Variants in NBAS observed in about 807,000 individuals in gnomAD.
NBAS encodes the protein NAG/BC035112 fusion.
NBAS carries 219 observed loss-of-function variants against 302.5 expected under a neutral mutation model. The observed-to-expected ratio is 0.72, with a 90% CI of 0.65 to 0.81. The LOEUF (loss-of-function observed/expected upper bound fraction) is 0.81, where lower values mean the gene tolerates loss of function less well. NBAS is among the 30% of genes least tolerant of loss of function. The pLI is 0.00. For synonymous variants in NBAS, 1,118 were observed against 1,021.6 expected, an observed-to-expected ratio of 1.09 and a Z score of -1.80; for missense variants, 2,932 against 2,841.6, an observed-to-expected ratio of 1.03 and a Z score of -0.72.
the NBAS span, among the ~76,000 whole-genome samples, chr2:14,821,152 T>A: frequency 6.6e-6 from 1 of 152,194 alleles, no homozygotes; most frequent in African/African-American, 2.4e-5. Context: ...GGTCTCGATC[T>A]CCTGACCTCG....
chr2:15,100,722 G>A, the NBAS span, among the ~76,000 whole-genome samples: 1 of 152,124 alleles, frequency 6.6e-6, no homozygotes, highest in Non-Finnish European at 1.5e-5. Flanking sequence ...GACCCTTCAA[G>A]GTAAAGAGTG....
intron 5 of NBAS, among the ~76,000 whole-genome samples, chr2:15,552,266 G>A (rs1664418257): frequency 6.6e-6 from 1 of 152,114 alleles, no homozygotes; most frequent in Non-Finnish European, 1.5e-5. Context: ...ATAATACCCA[G>A]TATAAAGAGA....
the NBAS span, among the ~76,000 whole-genome samples, chr2:14,862,307 C>T: frequency 2.6e-5 from 4 of 151,956 alleles, no homozygotes; most frequent in African/African-American, 4.8e-5. Context: ...TTAGTAAAGA[C>T]GGGGTTTCAC....
chr2:15,429,959 C>T lies in NBAS; in HGVS notation c.2340-2165G>A, dbSNP rs1213863377. 2.0e-5 allele frequency among the ~76,000 whole-genome samples: 3 copies of T among 152,288 alleles called. No homozygotes were observed. The South Asian group carries it at 6.2e-4, about 32-fold the overall frequency. On this transcript the variant is annotated intron_variant, in intron 21 of 51. Transcript: ENST00000281513. ...CTGGATACAAGGATGATGATGATTA[C>T]TCTTCCGACATAAGAATAAATTACA...
the NBAS span, among the ~76,000 whole-genome samples, chr2:14,964,544 G>A: frequency 2.0e-5 from 3 of 152,046 alleles, no homozygotes; most frequent in Non-Finnish European, 4.4e-5. Context: ...ATACATGAGG[G>A]AAAATTGATT....
chr2:15,236,133 T>C (rs1251852641), intron 45 of NBAS, among the ~76,000 whole-genome samples: 1 of 152,188 alleles, frequency 6.6e-6, no homozygotes, highest in South Asian at 2.1e-4. Context: ...TTTCCTATTA[T>C]GGGCCATCCA....
chr2:15,169,637 G>A (rs954332857), intron 51 of NBAS, among the ~76,000 whole-genome samples: 7 of 152,202 alleles, frequency 4.6e-5, no homozygotes, highest in Admixed American at 1.3e-4. Flanking sequence ...CCCGTGTCTC[G>A]GCCTAGTTTA....
the NBAS span, among the ~76,000 whole-genome samples, chr2:14,923,537 G>A: frequency 6.6e-6 from 1 of 152,198 alleles, no homozygotes; most frequent in Non-Finnish European, 1.5e-5. Context: ...CAAGGCCCCT[G>A]CTCACATGGA....
Position 15,200,897 on chromosome 2 carries a change from T to C in NBAS, c.6433-10494A>G, listed in dbSNP as rs528866512. On this transcript the variant is annotated intron_variant, in intron 48 of 51. Transcript: ENST00000281513. ...CTTAAATTAGGGTACTTTTGAAATA[T>C]GCATCTTCCTACAGGTATTGACAGT... is the stretch of plus-strand genomic sequence containing the variant. 1.1e-4 allele frequency among the ~76,000 whole-genome samples: 16 copies of C among 152,368 alleles called. No individual in the cohort carries two copies. The East Asian group carries it at 1.7e-3, about 17-fold the overall frequency.
At chr2:15,119,508 T>C in the NBAS span, among the ~76,000 whole-genome samples, 4 of 152,002 alleles carry the variant, frequency 2.6e-5, no homozygotes, top group Non-Finnish European at 4.4e-5. Context: ...GCCCAGCTAA[T>C]TTTTGTATTT....
intron 32 of NBAS, among the ~76,000 whole-genome samples, chr2:15,362,330 GAAAGA>G (rs1372153338): frequency 1.4e-5 from 2 of 146,692 alleles, no homozygotes; most frequent in East Asian, 2.0e-4. Flanking sequence ...AAAAAAAAAA[GAAAGA>G]AAAGAAAAGA....
At chr2:14,948,768 C>T in the NBAS span, among the ~76,000 whole-genome samples, 2 of 151,944 alleles carry the variant, frequency 1.3e-5, no homozygotes, top group African/African-American at 4.8e-5. Context: ...AACCACAAGA[C>T]TCGGAATAGC....
the NBAS span, among the ~76,000 whole-genome samples, chr2:14,954,852 C>T: frequency 6.6e-6 from 1 of 152,122 alleles, no homozygotes; most frequent in Non-Finnish European, 1.5e-5. Flanking sequence ...ATGGGAACTA[C>T]AATATAAGAT....
intron 44 of NBAS, among the ~76,000 whole-genome samples, chr2:15,266,736 C>T (rs1299034721): frequency 6.6e-6 from 1 of 151,968 alleles, no homozygotes; most frequent in African/African-American, 2.4e-5. Flanking sequence ...GGGCTTCATT[C>T]TCTCTCCTCC....
rs763573768 is a variant in NBAS at position 15,379,685 on chromosome 2, CTT to C, written c.3505_3506del (p.Lys1169GlufsTer3). ...GKPHYRVSYE[K>X]SIDLVLAASR... ...TGGCAGCCAAAACCAAGTCAATACT[CTT>C]TTCGTAGCTGACCCTGTAGTGGGGT... On this transcript the variant is annotated frameshift_variant, in exon 30 of 52. Coordinates refer to ENST00000281513, the MANE Select transcript of NBAS (RefSeq NM_015909.4). LOFTEE classifies it high-confidence loss of function. The C allele has an allele frequency of 3.7e-6, 6 of 1,614,020 alleles. No homozygotes were observed. Among genetic ancestry groups the C allele is most frequent in the Non-Finnish European group, 5.1e-6 (6 of 1,179,994 alleles).
intron 6 of NBAS, among the ~76,000 whole-genome samples, chr2:15,541,490 A>G (rs1663817322): frequency 1.3e-5 from 2 of 152,158 alleles, no homozygotes; most frequent in South Asian, 4.1e-4. Flanking sequence ...TGTAATACAT[A>G]TTCTAGGGAA....
intron 9 of NBAS, among the ~76,000 whole-genome samples, chr2:15,521,382 T>C (rs934223330): frequency 4.3e-4 from 65 of 152,334 alleles, no homozygotes; most frequent in African/African-American, 1.5e-3. Context: ...ATTCCATTCA[T>C]ACAGTTGTTC....
chr2:14,862,089 C>T, the NBAS span, among the ~76,000 whole-genome samples: 15 of 151,988 alleles, frequency 9.9e-5, no homozygotes, highest in Admixed American at 3.9e-4. Flanking sequence ...AGATCATTGA[C>T]GTTGTTTTCA....
intron 9 of NBAS, among the ~76,000 whole-genome samples, chr2:15,528,363 AT>A (rs981442432): frequency 6.7e-6 from 1 of 148,660 alleles, no homozygotes; most frequent in Non-Finnish European, 1.5e-5. Flanking sequence ...TTTTTAATAT[AT>A]TTTTATATAT....
Sources: gnomAD v4.1 joint callset for allele counts (sites outside exome capture counted in the v4.1 genomes callset) on GRCh38, gnomAD v4.1.1 for gene constraint, MANE v1.5 for transcripts, NCBI Gene and HGNC (gene_info 2026-07-23, HGNC 2026-07-21) for gene names.